The following NRXN3 variants were observed in gnomAD, a reference collection of about 807,000 sequenced individuals.
NRXN3 encodes neurexin III.
Under a neutral mutation model 137.6 loss-of-function variants are expected in NRXN3, and 32 were observed. The ratio of observed to expected loss-of-function variants is 0.23; its 90% CI spans 0.18 to 0.31. The LOEUF (loss-of-function observed/expected upper bound fraction) is 0.31, where lower values mean the gene tolerates loss of function less well. Among genes scored for constraint, NRXN3 ranks in the 10% least tolerant of loss-of-function variants. The pLI, the probability that NRXN3 is intolerant of heterozygous loss-of-function variation, is 1.00. For missense variants in NRXN3, 1,574 were observed against 2,062.5 expected, an observed-to-expected ratio of 0.76 and a Z score of 4.59; for synonymous variants, 798 against 784.5, an observed-to-expected ratio of 1.02 and a Z score of -0.29.
chr14:78,938,566 T>G (rs2099346438), intron 10 of NRXN3, among the ~76,000 whole-genome samples: 1 of 152,116 alleles, frequency 6.6e-6, no homozygotes, highest in Non-Finnish European at 1.5e-5. Context: ...CAACCTTTTT[T>G]TATTTGACAT....
chr14:79,240,962 G>T (rs553553035), intron 15 of NRXN3, among the ~76,000 whole-genome samples: 53 of 152,156 alleles, frequency 3.5e-4, no homozygotes, highest in African/African-American at 1.3e-3. Flanking sequence ...AAGTGTGTTT[G>T]GGTGTGTATG....
intron 6 of NRXN3, among the ~76,000 whole-genome samples, chr14:78,688,874 C>T (rs1224974550): frequency 6.6e-6 from 1 of 151,686 alleles, no homozygotes; most frequent in Non-Finnish European, 1.5e-5. Flanking sequence ...TGAGCGCTCA[C>T]ATTAATAAAA....
chr14:78,800,255 G>T (rs1300661472), intron 8 of NRXN3, among the ~76,000 whole-genome samples: 2 of 152,212 alleles, frequency 1.3e-5, no homozygotes, highest in African/African-American at 4.8e-5. Flanking sequence ...TCCCAGTTCT[G>T]CCATTTATTA....
At chr14:79,229,494 G>A (rs961359259) in intron 15 of NRXN3, among the ~76,000 whole-genome samples, 17 of 152,156 alleles carry the variant, frequency 1.1e-4, no homozygotes, top group African/African-American at 4.1e-4. Context: ...TCAATAAATT[G>A]GGTGGTAGAT....
At chr14:78,888,848 T>TACACACACATACACACACACACACAC (rs138583318) in intron 10 of NRXN3, among the ~76,000 whole-genome samples, 1,686 of 146,340 alleles carry the variant, frequency 0.012, 26 homozygotes, top group African/African-American at 0.029. Flanking sequence ...ATCACACACA[T>TACACACACATACACACACACACACAC]ACACACACAC....
chr14:78,357,914 G>A (rs1172761742), intron 4 of NRXN3, among the ~76,000 whole-genome samples: 1 of 152,164 alleles, frequency 6.6e-6, no homozygotes, highest in Non-Finnish European at 1.5e-5. Flanking sequence ...TGATATGACA[G>A]CATCCTACAT....
chr14:79,599,951 C>T (rs2097904827), intron 16 of NRXN3, among the ~76,000 whole-genome samples: 1 of 152,186 alleles, frequency 6.6e-6, no homozygotes, highest in Non-Finnish European at 1.5e-5. Flanking sequence ...GCTGAGATTG[C>T]ATCACTGCAC....
At chr14:79,556,701 A>G (rs984025275) in intron 16 of NRXN3, among the ~76,000 whole-genome samples, 7 of 152,110 alleles carry the variant, frequency 4.6e-5, no homozygotes, top group African/African-American at 1.7e-4. Context: ...GACTACAGGC[A>G]TGCACCATCA....
intron 11 of NRXN3, among the ~76,000 whole-genome samples, chr14:78,965,452 G>A (rs2099415683): frequency 6.6e-6 from 1 of 152,134 alleles, no homozygotes; most frequent in Non-Finnish European, 1.5e-5. Flanking sequence ...AGCTTGATTA[G>A]GGTCAACTTT....
chr14:79,485,132 C>G (rs894754363), intron 16 of NRXN3, among the ~76,000 whole-genome samples: 1 of 151,696 alleles, frequency 6.6e-6, no homozygotes, highest in African/African-American at 2.4e-5. Context: ...ATATGAATCT[C>G]TGATTACTTA....
chr14:79,166,978 A>G (rs986378679), intron 15 of NRXN3, among the ~76,000 whole-genome samples: 12 of 152,024 alleles, frequency 7.9e-5, no homozygotes, highest in African/African-American at 2.2e-4. Flanking sequence ...TAAAATATTT[A>G]TCACTGTTAG....
At chr14:78,569,358 C>T (rs535231067) in intron 4 of NRXN3, among the ~76,000 whole-genome samples, 45 of 149,626 alleles carry the variant, frequency 3.0e-4, no homozygotes, top group Non-Finnish European at 5.9e-4. Flanking sequence ...CTCCGCCTCC[C>T]GGGTTCACGC....
intron 2 of NRXN3, among the ~76,000 whole-genome samples, chr14:78,249,484 T>A (rs575206071): frequency 6.6e-6 from 1 of 152,112 alleles, no homozygotes; most frequent in East Asian, 1.9e-4. Context: ...ACAGGGCAGA[T>A]GAGGTGGGGT....
At chr14:79,634,203 C>G (rs919604723) in intron 16 of NRXN3, among the ~76,000 whole-genome samples, 5 of 152,176 alleles carry the variant, frequency 3.3e-5, no homozygotes, top group Non-Finnish European at 1.5e-5. Context: ...AGCAATCCTA[C>G]TGGTGGACTT....
At chr14:78,434,753 A>G (rs2094005005) in intron 4 of NRXN3, among the ~76,000 whole-genome samples, 1 of 152,166 alleles carries the variant, frequency 6.6e-6, no homozygotes, top group Non-Finnish European at 1.5e-5. Flanking sequence ...TGGTGAGAAC[A>G]GCTACAGAGG....
chr14:78,491,032 A>G (rs2095656404), intron 4 of NRXN3, among the ~76,000 whole-genome samples: 1 of 151,996 alleles, frequency 6.6e-6, no homozygotes, highest in South Asian at 2.1e-4. Flanking sequence ...CCACTCTCCA[A>G]GGGTGTTTCG....
At chr14:78,323,343 G>A (rs8019786) in intron 4 of NRXN3, among the ~76,000 whole-genome samples, 74,884 of 151,588 alleles carry the variant, frequency 0.49, 19,578 homozygotes, top group East Asian at 0.68. Context: ...AAAGTGCCCT[G>A]TGTGTGGATT....
At chr14:78,745,975 G>T (rs2098605386) in intron 8 of NRXN3, among the ~76,000 whole-genome samples, 1 of 152,170 alleles carries the variant, frequency 6.6e-6, no homozygotes. Flanking sequence ...TAAGGCTTCA[G>T]CAAGATTAAA....
At chr14:79,340,662 C>T (rs2092560933) in intron 15 of NRXN3, among the ~76,000 whole-genome samples, 1 of 152,164 alleles carries the variant, frequency 6.6e-6, no homozygotes, top group South Asian at 2.1e-4. Flanking sequence ...ACAGGTTTCT[C>T]CATGTTTGTC....
Sources: allele counts gnomAD v4.1 joint callset (sites outside exome capture counted in the v4.1 genomes callset), GRCh38; gene constraint gnomAD v4.1.1; transcripts MANE v1.5; gene names NCBI Gene and HGNC (gene_info 2026-07-23, HGNC 2026-07-21).